Variants in DSCAM observed in about 807,000 individuals in gnomAD.
DSCAM encodes the protein cell adhesion molecule DSCAM.
A neutral mutation model predicts 217.7 loss-of-function variants in DSCAM; 47 were observed. The observed-to-expected ratio is 0.22, with a 90% CI of 0.17 to 0.28. The LOEUF (loss-of-function observed/expected upper bound fraction) is 0.28. Among genes scored for constraint, DSCAM ranks in the 10% least tolerant of loss-of-function variants. The probability of loss-of-function intolerance (pLI) is 1.00; values close to 1 mark genes in which losing one functional copy is unlikely to be tolerated. For synonymous variants in DSCAM, 1,056 were observed against 1,015.3 expected (o/e 1.04, Z -0.76); for missense variants, 2,080 against 2,618.3 (o/e 0.79, Z 4.49).
chr21:40,554,239 G>A (rs150608467), intron 3 of DSCAM, among the ~76,000 whole-genome samples: 5 of 149,778 alleles, frequency 3.3e-5, no homozygotes, highest in South Asian at 2.1e-4. Flanking sequence ...TGGATTAAAC[G>A]AATTAAAAAC....
At chr21:40,320,966 T>G (rs767983451) in intron 8 of DSCAM, among the ~76,000 whole-genome samples, 4 of 152,236 alleles carry the variant, frequency 2.6e-5, no homozygotes, top group Non-Finnish European at 5.9e-5. Flanking sequence ...TACAAGAGTT[T>G]ATGAGAGTTC....
chr21:40,552,015 T>C (rs1408081543), intron 3 of DSCAM, among the ~76,000 whole-genome samples: 7 of 151,986 alleles, frequency 4.6e-5, no homozygotes, highest in African/African-American at 1.7e-4. Flanking sequence ...CTCAGAAAAA[T>C]TGTAAGAGTT....
chr21:40,765,799 G>A (rs540945604), intron 1 of DSCAM, among the ~76,000 whole-genome samples: 24 of 152,296 alleles, frequency 1.6e-4, no homozygotes, highest in African/African-American at 5.5e-4. Flanking sequence ...CATGATCAGC[G>A]ATCAGTGCCT....
At chr21:40,377,887 A>ATAGCCTATTGCCCTT (rs1425575764) in intron 3 of DSCAM, among the ~76,000 whole-genome samples, 1 of 152,200 alleles carries the variant, frequency 6.6e-6, no homozygotes, top group Non-Finnish European at 1.5e-5. Context: ...GTACATATAC[A>ATAGCCTATTGCCCTT]ACCTGTACAA....
intron 3 of DSCAM, among the ~76,000 whole-genome samples, chr21:40,596,689 C>A: frequency 6.6e-6 from 1 of 152,144 alleles, no homozygotes; most frequent in Non-Finnish European, 1.5e-5. Context: ...CCTGACCATA[C>A]TGGGTGATAC....
intron 16 of DSCAM, among the ~76,000 whole-genome samples, chr21:40,152,187 C>T (rs1016790494): frequency 6.6e-6 from 1 of 150,532 alleles, no homozygotes; most frequent in African/African-American, 2.4e-5. Context: ...CTCAATAAAA[C>T]AAGGCCCTTT....
In DSCAM at chr21:40,276,203, C is replaced by T. The variant is rs139291190; in HGVS notation, c.2250G>A (p.Ser750=). The change falls in exon 11 of 33, where the codon TCG becomes TCA. Residue 750 remains serine, a synonymous_variant. Transcript: ENST00000400454. ...NGRIQVLSNG[S]LLIKHVVEED... ...CCTCCACGACATGCTTGATCAGCAA[C>T]GACCCATTGCTGAGAACTTGGATTC... is the stretch of plus-strand genomic sequence containing the variant. 17 of 1,613,226 alleles carry T rather than the reference C, an allele frequency of 1.1e-5. No homozygotes were observed. The highest frequency in any genetic ancestry group is 8.9e-5 in the East Asian group (4 of 44,840).
rs188564532 is a variant in DSCAM, at chr21:40,500,950, G to T, written c.509-131705C>A. 3.2e-4 allele frequency among the ~76,000 whole-genome samples: 48 copies of T among 152,200 alleles called. No homozygotes were observed. In the East Asian group the frequency reaches 9.1e-3, roughly 29 times the overall value. On this transcript the variant is annotated intron_variant, in intron 3 of 32. Coordinates refer to ENST00000400454, the MANE Select transcript of DSCAM (RefSeq NM_001389.5). ...TGGGCTTGGAGAGGCAATATGGTAGGTATGCAGCACGAGGCTTCTCTTTTT... is the reference window on the plus strand; with the variant it reads ...TGGGCTTGGAGAGGCAATATGGTAGTTATGCAGCACGAGGCTTCTCTTTTT...
intron 3 of DSCAM, among the ~76,000 whole-genome samples, chr21:40,511,151 A>T (rs1211032518): frequency 6.6e-6 from 1 of 152,174 alleles, no homozygotes; most frequent in Non-Finnish European, 1.5e-5. Context: ...TCTTCATGGT[A>T]TGTTGCTTTA....
chr21:40,091,612 G>C (rs1443905203), intron 21 of DSCAM, among the ~76,000 whole-genome samples: 2 of 152,072 alleles, frequency 1.3e-5, no homozygotes, highest in African/African-American at 2.4e-5. Context: ...TTTGTTTACT[G>C]ACTGTATTAG....
intron 1 of DSCAM, among the ~76,000 whole-genome samples, chr21:40,779,241 G>A (rs984576756): frequency 6.6e-6 from 1 of 152,088 alleles, no homozygotes; most frequent in Non-Finnish European, 1.5e-5. Context: ...GAAAGAAGGA[G>A]AGTAGAGAGA....
intron 3 of DSCAM, among the ~76,000 whole-genome samples, chr21:40,610,443 G>C (rs1003824066): frequency 2.0e-5 from 3 of 152,220 alleles, no homozygotes; most frequent in African/African-American, 7.2e-5. Flanking sequence ...TGACCCTGGG[G>C]CTGGCAAGGC....
chr21:40,499,630 C>G (rs1474767221), intron 3 of DSCAM, among the ~76,000 whole-genome samples: 1 of 152,194 alleles, frequency 6.6e-6, no homozygotes, highest in African/African-American at 2.4e-5. Flanking sequence ...TTCTCTTGCT[C>G]TTTTCCAAAC....
intron 4 of DSCAM, among the ~76,000 whole-genome samples, chr21:40,363,835 AAAAC>A (rs1053755667): frequency 5.3e-5 from 8 of 152,226 alleles, no homozygotes; most frequent in Non-Finnish European, 7.3e-5. Flanking sequence ...ATTTACAAGA[AAAAC>A]AAACAACACC....
intron 3 of DSCAM, among the ~76,000 whole-genome samples, chr21:40,485,485 G>T (rs867074442): frequency 6.6e-6 from 1 of 151,064 alleles, no homozygotes; most frequent in Non-Finnish European, 1.5e-5. Context: ...CTCGTGATCC[G>T]CCCGCCTCGG....
In DSCAM at chr21:40,796,431, A is replaced by G. The variant is rs142073390; in HGVS notation, c.43+50188T>C. Among the ~76,000 whole-genome samples, 15 of 152,354 alleles carry G rather than the reference A, an allele frequency of 9.8e-5. No individual in the cohort carries two copies. In the East Asian group the frequency reaches 2.9e-3, roughly 29 times the overall value. On this transcript the variant is annotated intron_variant, in intron 1 of 32. Coordinates refer to ENST00000400454, the MANE Select transcript of DSCAM (RefSeq NM_001389.5). ...GAGCACAAAATAAATCTTTGTTGTC[A>G]TTGATCACAGAGACTATAGGGGTGA...
chr21:40,174,795 A>G (rs886272937), intron 15 of DSCAM, among the ~76,000 whole-genome samples: 3 of 152,184 alleles, frequency 2.0e-5, no homozygotes, highest in African/African-American at 7.2e-5. Flanking sequence ...CGAATTTAAA[A>G]GTTTCGCACA....
intron 11 of DSCAM, among the ~76,000 whole-genome samples, chr21:40,242,044 G>T (rs2073159898): frequency 6.6e-6 from 1 of 152,024 alleles, no homozygotes; most frequent in Admixed American, 6.6e-5. Flanking sequence ...ACAACCATTG[G>T]GTACTGAGCT....
intron 20 of DSCAM, among the ~76,000 whole-genome samples, chr21:40,096,959 G>C (rs917864830): frequency 3.3e-5 from 5 of 152,008 alleles, no homozygotes; most frequent in Non-Finnish European, 7.4e-5. Context: ...AAATGAAAGT[G>C]AATAAAGACT....
Sources: allele counts gnomAD v4.1 joint callset (sites outside exome capture counted in the v4.1 genomes callset), GRCh38; gene constraint gnomAD v4.1.1; transcripts MANE v1.5; gene names NCBI Gene and HGNC (gene_info 2026-07-23, HGNC 2026-07-21).